The following AFF4 variants were observed in gnomAD, a reference collection of about 807,000 sequenced individuals.
AFF4 encodes the protein ALF transcription elongation factor 4, also known as AF4/FMR2 family member 4.
In AFF4, 13 loss-of-function variants were observed where a neutral mutation model predicts 124.8. That is an observed-to-expected ratio of 0.10 (90% CI 0.07 to 0.17). AFF4 has a LOEUF of 0.17. AFF4 is among the 10% of genes least tolerant of loss of function. The pLI is 1.00. For synonymous variants in AFF4, 477 were observed against 496.1 expected, an observed-to-expected ratio of 0.96 and a Z score of 0.51; for missense variants, 1,092 against 1,403.8, an observed-to-expected ratio of 0.78 and a Z score of 3.55.
chr5:132,960,384 G>T (rs1169535392), intron 1 of AFF4, among the ~76,000 whole-genome samples: 1 of 152,116 alleles, frequency 6.6e-6, no homozygotes, highest in Non-Finnish European at 1.5e-5. Flanking sequence ...CATTGTCCAG[G>T]TGTGCTCTCA....
chr5:132,945,929 G>A (rs921959421), intron 1 of AFF4, among the ~76,000 whole-genome samples: 2 of 151,950 alleles, frequency 1.3e-5, no homozygotes, highest in African/African-American at 2.4e-5. Context: ...GCGTGGTGGC[G>A]CAAGCCTGTA....
At chr5:132,954,546 CTTT>C (rs1204231856) in intron 1 of AFF4, among the ~76,000 whole-genome samples, 5 of 122,138 alleles carry the variant, frequency 4.1e-5, no homozygotes, top group Non-Finnish European at 3.4e-5. Flanking sequence ...AAACAATGCT[CTTT>C]TTTTTTTTTT....
chr5:132,909,741 CAT>C (rs1164789368), intron 5 of AFF4, among the ~76,000 whole-genome samples: 1 of 152,144 alleles, frequency 6.6e-6, no homozygotes, highest in Non-Finnish European at 1.5e-5. Flanking sequence ...CAGTTCCAGA[CAT>C]TTCTGGCTTC....
At chr5:132,908,830 G>A (rs1324061525) in intron 5 of AFF4, among the ~76,000 whole-genome samples, 3 of 147,366 alleles carry the variant, frequency 2.0e-5, no homozygotes, top group Non-Finnish European at 3.0e-5. Context: ...GAGTGCAGTG[G>A]TGTGATTTCG....
At chr5:132,944,223 G>T (rs1012897176) in intron 1 of AFF4, among the ~76,000 whole-genome samples, 1 of 151,264 alleles carries the variant, frequency 6.6e-6, no homozygotes, top group South Asian at 2.1e-4. Context: ...TGTAGTCCCA[G>T]CTACTCGGGA....
In AFF4 at chr5:132,896,674, A is replaced by G; in HGVS notation, c.1956T>C (p.Asp652=). The G allele has an allele frequency of 2.5e-6, 4 of 1,614,090 alleles. No homozygotes were observed. In the South Asian group the frequency reaches 4.4e-5, roughly 18 times the overall value. The change falls in exon 11 of 21, where the codon GAT becomes GAC. Residue 652 remains aspartate, a synonymous_variant. Transcript: ENST00000265343. ...EIIETDTSSS[D]SDESESLPPS... ...GAGGAAGGCTCTCACTTTCATCTGA[A>G]TCTGAGGATGAGGTATCTGTTTCTA...
intron 1 of AFF4, among the ~76,000 whole-genome samples, chr5:132,941,868 C>T (rs1445832577): frequency 6.6e-6 from 1 of 151,930 alleles, no homozygotes; most frequent in East Asian, 1.9e-4. Context: ...ATTGACAGGG[C>T]ATGGTGGCAC....
intron 1 of AFF4, among the ~76,000 whole-genome samples, chr5:132,939,768 GC>G: frequency 6.6e-6 from 1 of 152,144 alleles, no homozygotes; most frequent in South Asian, 2.1e-4. Flanking sequence ...CTGCCACCAC[GC>G]CCGGCTAATT....
intron 9 of AFF4, 80 bp from the exon 10 acceptor site, chr5:132,898,472 T>C: frequency 7.0e-7 from 1 of 1,419,910 alleles, no homozygotes; most frequent in Non-Finnish European, 9.4e-7. Flanking sequence ...ACAACCAACT[T>C]TCTTTTTTTC....
At chr5:132,916,272 A>T (rs1406649478) in intron 5 of AFF4, among the ~76,000 whole-genome samples, 1 of 145,936 alleles carries the variant, frequency 6.9e-6, no homozygotes, top group African/African-American at 2.5e-5. Context: ...AAAAAGAATC[A>T]CTTAAGCAGG....
chr5:132,936,016 C>A (rs1346863131), intron 2 of AFF4, among the ~76,000 whole-genome samples: 1 of 151,840 alleles, frequency 6.6e-6, no homozygotes, highest in Non-Finnish European at 1.5e-5. Context: ...GCCTGTAATC[C>A]CAGCACTTTG....
At chr5:132,929,809 A>G (rs1376723245) in intron 4 of AFF4, among the ~76,000 whole-genome samples, 1 of 152,180 alleles carries the variant, frequency 6.6e-6, no homozygotes, top group East Asian at 1.9e-4. Context: ...TTAATTTATG[A>G]AGACCACAGG....
At chr5:132,918,263 C>A (rs961771624) in intron 5 of AFF4, among the ~76,000 whole-genome samples, 4 of 151,904 alleles carry the variant, frequency 2.6e-5, no homozygotes, top group African/African-American at 9.7e-5. Flanking sequence ...TGTGGTGGCA[C>A]TGGTCTGTAA....
chr5:132,933,327 G>T (rs1411405551), intron 3 of AFF4, among the ~76,000 whole-genome samples: 2 of 151,734 alleles, frequency 1.3e-5, no homozygotes, highest in Non-Finnish European at 2.9e-5. Flanking sequence ...AACCTGGGAG[G>T]TAGAGGTTGC....
At chr5:132,920,853 C>A (rs546367014) in intron 5 of AFF4, among the ~76,000 whole-genome samples, 1 of 152,064 alleles carries the variant, frequency 6.6e-6, no homozygotes, top group Non-Finnish European at 1.5e-5. Context: ...TCAGGCCGGG[C>A]GCAGTGGCTC....
At chr5:132,908,261 TTA>T (rs1353652595) in intron 5 of AFF4, among the ~76,000 whole-genome samples, 1 of 152,198 alleles carries the variant, frequency 6.6e-6, no homozygotes, top group African/African-American at 2.4e-5. Flanking sequence ...AATACCATTT[TTA>T]GAGTAATTTT....
At chr5:132,944,254 G>A (rs1024176663) in intron 1 of AFF4, among the ~76,000 whole-genome samples, 8 of 151,634 alleles carry the variant, frequency 5.3e-5, no homozygotes, top group African/African-American at 1.5e-4. Flanking sequence ...GGAGAATGGC[G>A]TGAACCCAGG....
chr5:132,938,971 T>A (rs1319244506), intron 1 of AFF4, among the ~76,000 whole-genome samples: 16 of 114,728 alleles, frequency 1.4e-4, no homozygotes, highest in South Asian at 5.6e-4. Context: ...AAAGGCAATT[T>A]AATGTTTAGA....
chr5:132,887,425 A>G, intron 17 of AFF4, 96 bp downstream of exon 17: 1 of 1,124,710 alleles, frequency 8.9e-7, no homozygotes, highest in Non-Finnish European at 1.3e-6. Context: ...GGATTACAGA[A>G]GTCTGATTCA....
Sources: gnomAD v4.1 joint callset for allele counts (sites outside exome capture counted in the v4.1 genomes callset) on GRCh38, gnomAD v4.1.1 for gene constraint, MANE v1.5 for transcripts, NCBI Gene and HGNC (gene_info 2026-07-23, HGNC 2026-07-21) for gene names.